NAALADL2: variants seen among roughly 807,000 people sequenced by gnomAD.
The protein encoded by NAALADL2 is inactive N-acetylated-alpha-linked acidic dipeptidase-like protein 2.
NAALADL2 carries 76 observed loss-of-function variants against 87.2 expected under a neutral mutation model. That is an observed-to-expected ratio of 0.87 (90% CI 0.72 to 1.05). The LOEUF (loss-of-function observed/expected upper bound fraction) is 1.05, where lower values mean the gene tolerates loss of function less well. NAALADL2 is among the 50% of genes least tolerant of loss of function. The pLI is 0.00. For synonymous variants in NAALADL2, 354 were observed against 331.0 expected (o/e 1.07, Z -0.75); for missense variants, 1,089 against 945.8 (o/e 1.15, Z -1.99).
At chr3:174,600,209 A>G (rs1460766759) in intron 2 of NAALADL2, among the ~76,000 whole-genome samples, 1 of 152,138 alleles carries the variant, frequency 6.6e-6, no homozygotes, top group African/African-American at 2.4e-5. Context: ...ATTTTTGCAG[A>G]TAAAACCGAT....
At position 174,744,857 on chromosome 3, in the gene NAALADL2, T is replaced by C. The variant is rs575500485; in HGVS notation, c.-9+7111T>C. Among the ~76,000 whole-genome samples the C allele has an allele frequency of 2.0e-5, 3 of 152,152 alleles. No homozygotes were observed. In the South Asian group the frequency reaches 6.2e-4, roughly 32 times the overall value. Reference sequence around the variant, plus strand: ...TGTCCCTGAATGACTCCTAAGTAAATCATGAAATTAAGGCAGAAATAAATA... The same window carrying C: ...TGTCCCTGAATGACTCCTAAGTAAACCATGAAATTAAGGCAGAAATAAATA... On this transcript the variant is annotated intron_variant, in intron 3 of 3. Coordinates refer to the NAALADL2 transcript ENST00000434257.
At chr3:175,748,085 A>G (rs1171343685) in intron 12 of NAALADL2, among the ~76,000 whole-genome samples, 4 of 152,036 alleles carry the variant, frequency 2.6e-5, no homozygotes, top group Non-Finnish European at 4.4e-5. Context: ...TTTCTATTTC[A>G]TTCAGTTTAG....
intron 2 of NAALADL2, among the ~76,000 whole-genome samples, chr3:174,671,766 C>T (rs1443310154): frequency 6.6e-6 from 1 of 152,024 alleles, no homozygotes; most frequent in Non-Finnish European, 1.5e-5. Context: ...GGTTTGAAGC[C>T]CAGCATTTCT....
At chr3:174,879,297 C>T (rs1199793026) in intron 1 of NAALADL2, among the ~76,000 whole-genome samples, 1 of 152,000 alleles carries the variant, frequency 6.6e-6, no homozygotes, top group African/African-American at 2.4e-5. Flanking sequence ...AATTTTACTC[C>T]TTCTTAATTT....
chr3:175,399,523 C>T (rs1270922273), intron 5 of NAALADL2, among the ~76,000 whole-genome samples: 1 of 152,080 alleles, frequency 6.6e-6, no homozygotes, highest in African/African-American at 2.4e-5. Context: ...ATTCATGCCT[C>T]CCTTTTTAGA....
At chr3:175,389,674 A>T (rs16825580) in intron 5 of NAALADL2, among the ~76,000 whole-genome samples, 2,720 of 152,278 alleles carry the variant, frequency 0.018, 86 homozygotes, top group African/African-American at 0.063. Flanking sequence ...AGAATTTATT[A>T]AGCCTTAAGC....
At chr3:175,529,593 C>T (rs1404231953) in intron 9 of NAALADL2, among the ~76,000 whole-genome samples, 1 of 152,088 alleles carries the variant, frequency 6.6e-6, no homozygotes, top group African/African-American at 2.4e-5. Context: ...ACCTAGTTGG[C>T]AGTGTAATTG....
At chr3:175,112,379 A>C (rs1391308402) in intron 2 of NAALADL2, among the ~76,000 whole-genome samples, 1 of 151,688 alleles carries the variant, frequency 6.6e-6, no homozygotes, top group Non-Finnish European at 1.5e-5. Context: ...CTCTCTAAAA[A>C]TTTTGATGAC....
At chr3:175,789,920 TTTAATAAA>T (rs1752572088) in intron 13 of NAALADL2, among the ~76,000 whole-genome samples, 2 of 152,254 alleles carry the variant, frequency 1.3e-5, no homozygotes, top group South Asian at 4.1e-4. Flanking sequence ...CTAAGTATAA[TTTAATAAA>T]TTAATAATGG....
intron 1 of NAALADL2, among the ~76,000 whole-genome samples, chr3:174,915,924 CAGAGT>C (rs1734316463): frequency 6.6e-6 from 1 of 152,042 alleles, no homozygotes; most frequent in Non-Finnish European, 1.5e-5. Context: ...AAATAATCAG[CAGAGT>C]AAACAGGCAA....
intron 1 of NAALADL2, among the ~76,000 whole-genome samples, chr3:175,046,055 G>A (rs1482740545): frequency 6.6e-6 from 1 of 151,576 alleles, no homozygotes; most frequent in Non-Finnish European, 1.5e-5. Flanking sequence ...TAGTTTTCAG[G>A]ATCCAATATT....
At chr3:175,452,473 T>C (rs906159815) in intron 6 of NAALADL2, among the ~76,000 whole-genome samples, 1 of 152,190 alleles carries the variant, frequency 6.6e-6, no homozygotes, top group Admixed American at 6.5e-5. Context: ...TTAATAATAT[T>C]GATTAGGCTT....
intron 13 of NAALADL2, among the ~76,000 whole-genome samples, chr3:175,771,361 C>T (rs1425449184): frequency 6.6e-6 from 1 of 152,096 alleles, no homozygotes; most frequent in Non-Finnish European, 1.5e-5. Flanking sequence ...TCCCATTTTA[C>T]TTATTTCATA....
chr3:174,536,230 T>G (rs558962267), intron 1 of NAALADL2, among the ~76,000 whole-genome samples: 1 of 152,204 alleles, frequency 6.6e-6, no homozygotes, highest in East Asian at 1.9e-4. Flanking sequence ...TGACATTTAT[T>G]TAGATACTTG....
At chr3:175,790,029 T>C (rs1466762115) in intron 13 of NAALADL2, among the ~76,000 whole-genome samples, 3 of 152,134 alleles carry the variant, frequency 2.0e-5, no homozygotes, top group Non-Finnish European at 2.9e-5. Context: ...TCAGATTTCA[T>C]AAACAGGAAA....
chr3:174,952,461 A>C (rs1740515936), intron 1 of NAALADL2, among the ~76,000 whole-genome samples: 1 of 152,118 alleles, frequency 6.6e-6, no homozygotes, highest in African/African-American at 2.4e-5. Context: ...GAGATAATTG[A>C]ATAAAGAAGA....
At chr3:175,376,865 A>G (rs1581644671) in intron 5 of NAALADL2, among the ~76,000 whole-genome samples, 1 of 152,132 alleles carries the variant, frequency 6.6e-6, no homozygotes, top group Non-Finnish European at 1.5e-5. Context: ...CTTTACATTT[A>G]CTGAACTCTT....
At chr3:175,194,048 T>C (rs1336348662) in intron 2 of NAALADL2, among the ~76,000 whole-genome samples, 1 of 151,918 alleles carries the variant, frequency 6.6e-6, no homozygotes, top group East Asian at 1.9e-4. Flanking sequence ...TGTACGTGTG[T>C]TGGTTTGTGA....
intron 2 of NAALADL2, among the ~76,000 whole-genome samples, chr3:174,673,723 T>C (rs1321909670): frequency 1.3e-5 from 2 of 151,886 alleles, no homozygotes. Context: ...AGGAATAAGT[T>C]ACAGCATTGG....
Sources: gnomAD v4.1 joint callset for allele counts (sites outside exome capture counted in the v4.1 genomes callset) on GRCh38, gnomAD v4.1.1 for gene constraint, MANE v1.5 for transcripts, NCBI Gene and HGNC (gene_info 2026-07-23, HGNC 2026-07-21) for gene names.